PROM1: variants seen among roughly 807,000 people sequenced by gnomAD.
PROM1 encodes the protein prominin-1.
A neutral mutation model predicts 116.9 loss-of-function variants in PROM1; 105 were observed. The ratio of observed to expected loss-of-function variants is 0.90; its 90% CI spans 0.77 to 1.06. The LOEUF is 1.06. Among genes scored for constraint, PROM1 ranks in the 50% least tolerant of loss-of-function variants. The pLI is 0.00. For missense variants in PROM1, 1,122 were observed against 1,045.2 expected (o/e 1.07, Z -1.01); for synonymous variants, 393 against 387.0 (o/e 1.02, Z -0.18).
chr4:15,979,440 T>C lies in PROM1; in HGVS notation c.2537A>G (p.Tyr846Cys). The change falls in exon 26 of 28, where the codon TAT becomes TGT. Residue 846 changes from tyrosine (Y) to cysteine (C), a missense_variant. Physicochemically the swap from Tyr to Cys is radical, Grantham distance 194. Coordinates refer to ENST00000447510, the MANE Select transcript of PROM1 (RefSeq NM_006017.3). ...AATACCATATACATGATCTTTATGA[T>C]AACCATTATTACCATTTTCCATACT... ...MKNMENGNNGYHKDHVYGIHN... is the reference protein window; with the variant it reads ...MKNMENGNNGCHKDHVYGIHN... 6.2e-7 allele frequency: 1 copy of C among 1,612,260 alleles called. No individual in the cohort carries two copies. The highest frequency in any genetic ancestry group is 8.5e-7 in the Non-Finnish European group (1 of 1,179,158).
chr4:16,004,829 T>TTCTTTCTTTTTTC (rs199637591), intron 13 of PROM1, among the ~76,000 whole-genome samples: 1 of 90,184 alleles, frequency 1.1e-5, no homozygotes, highest in Admixed American at 1.1e-4. Context: ...CTTTCTTTCT[T>TTCTTTCTTTTTTC]TTTCTTCCTT....
rs141365827 is a variant in PROM1, at chr4:16,042,842, G to A, written c.221-3841C>T. The stretch of plus-strand genomic sequence containing the variant: ...GCAGACGTTCACCCTATACATCAAC[G>A]GAGCTAACACCCAGTACCTCAACGG... On this transcript the variant is annotated intron_variant, in intron 2 of 27. Transcript: ENST00000447510. Among the ~76,000 whole-genome samples, 439 of 152,118 alleles carry A rather than the reference G, an allele frequency of 2.9e-3. 2 individuals are homozygous for A. Among genetic ancestry groups the A allele is most frequent in the African/African-American group, 9.6e-3 (400 of 41,498 alleles).
intron 13 of PROM1, 110 bp downstream of exon 13, chr4:16,006,426 GAA>G: frequency 7.7e-7 from 1 of 1,296,960 alleles, no homozygotes; most frequent in Non-Finnish European, 1.0e-6. Context: ...CTGGGAGCTG[GAA>G]CCCCGCGTAC....
intron 27 of PROM1, among the ~76,000 whole-genome samples, chr4:15,970,599 C>CAT (rs1378876048): frequency 6.6e-6 from 1 of 151,476 alleles, no homozygotes; most frequent in Non-Finnish European, 1.5e-5. Context: ...TATAGCAATG[C>CAT]ATATATATAC....
intron 2 of PROM1, among the ~76,000 whole-genome samples, chr4:16,069,249 A>C (rs182616694): frequency 3.3e-5 from 5 of 152,338 alleles, no homozygotes; most frequent in Non-Finnish European, 4.4e-5. Flanking sequence ...AAAACAAAAA[A>C]CAAAAACCAA....
At chr4:16,041,761 AATAAATAAATAAATAAATAAATAAATAT>A (rs1314770023) in intron 2 of PROM1, among the ~76,000 whole-genome samples, 1 of 31,870 alleles carries the variant, frequency 3.1e-5, no homozygotes, top group African/African-American at 1.1e-4. Flanking sequence ...TAAATAAATA[AATAAATAAATAAATAAATAAATAAATAT>A]ATATATATAT....
At position 15,979,875 on chromosome 4, in the gene PROM1, G is replaced by A. The variant is rs1052406207; in HGVS notation, c.2513+6C>T. 2 of 1,448,542 alleles carry A rather than the reference G, an allele frequency of 1.4e-6. No individual in the cohort carries two copies. Among genetic ancestry groups the A allele is most frequent in the East Asian group, 2.5e-5 (1 of 39,992 alleles). 89.7% of individuals were successfully genotyped at this position (1,448,542 alleles called of 1,614,324 possible). ...CTAGGAATATAGTTTTTTTAAAAAG[G>A]CTTACTTTTTCATGGGTATAGTTTC... On this transcript the variant is annotated splice_donor_region_variant and intron_variant, in intron 25 of 27. Coordinates refer to ENST00000447510, the MANE Select transcript of PROM1 (RefSeq NM_006017.3).
rs941973712 is a variant in PROM1, at chr4:15,979,267, T to C, written c.2582+128A>G. ...CACTATGTAGAGCATGATTGGAGAC[T>C]AGCATTGATAAAGTATCATACAGAG... On this transcript the variant is annotated intron_variant, in intron 26 of 27. Coordinates refer to ENST00000447510, the MANE Select transcript of PROM1 (RefSeq NM_006017.3). The C allele has an allele frequency of 3.3e-5, 47 of 1,426,198 alleles. No individual in the cohort carries two copies. In the South Asian group the frequency reaches 4.4e-4, roughly 13 times the overall value. 88.3% of individuals were successfully genotyped at this position (1,426,198 alleles called of 1,614,324 possible).
At chr4:16,066,674 T>G (rs1272791099) in intron 2 of PROM1, among the ~76,000 whole-genome samples, 2 of 152,306 alleles carry the variant, frequency 1.3e-5, no homozygotes, top group African/African-American at 2.4e-5. Context: ...TCTCTAGGGG[T>G]AAATCTCAAG....
At chr4:16,064,395 A>T (rs191747472) in intron 2 of PROM1, among the ~76,000 whole-genome samples, 510 of 152,300 alleles carry the variant, frequency 3.3e-3, no homozygotes, top group African/African-American at 0.012. Flanking sequence ...TCCCACCAGG[A>T]ATAATTAATC....
intron 11 of PROM1, among the ~76,000 whole-genome samples, chr4:16,009,930 C>T (rs1726470239): frequency 1.9e-5 from 2 of 104,126 alleles, no homozygotes; most frequent in South Asian, 7.1e-4. Flanking sequence ...GCAAGACTCG[C>T]TCTCAAAAAA....
At chr4:16,082,889 A>G (rs972839015) in intron 1 of PROM1, among the ~76,000 whole-genome samples, 1 of 151,860 alleles carries the variant, frequency 6.6e-6, no homozygotes, top group African/African-American at 2.4e-5. Flanking sequence ...TGGTCTGTCC[A>G]CGCTCCTCTT....
At chr4:16,038,574 T>C (rs1734464789) in intron 3 of PROM1, among the ~76,000 whole-genome samples, 1 of 152,132 alleles carries the variant, frequency 6.6e-6, no homozygotes, top group Non-Finnish European at 1.5e-5. Context: ...GGCTAATTTT[T>C]GTATTTTTAG....
chr4:15,992,943 A>G (rs1721438915), intron 16 of PROM1, among the ~76,000 whole-genome samples: 1 of 152,234 alleles, frequency 6.6e-6, no homozygotes, highest in African/African-American at 2.4e-5. Flanking sequence ...ATTGATAGTC[A>G]GCAGTTTCCA....
intron 2 of PROM1, among the ~76,000 whole-genome samples, chr4:16,050,562 C>T (rs1457889568): frequency 2.0e-5 from 3 of 152,078 alleles, no homozygotes; most frequent in East Asian, 1.9e-4. Context: ...TCATGTTGCC[C>T]GGGGTGGTCT....
At chr4:15,981,917 C>T (rs930973315) in intron 23 of PROM1, among the ~76,000 whole-genome samples, 1 of 152,166 alleles carries the variant, frequency 6.6e-6, no homozygotes, top group East Asian at 1.9e-4. Flanking sequence ...CCCTTATTCC[C>T]ACAAAGCAAG....
chr4:15,998,527 TAC>T, intron 14 of PROM1, 39 bp from the exon 15 acceptor site: 1 of 1,503,026 alleles, frequency 6.7e-7, no homozygotes, highest in Non-Finnish European at 8.9e-7. Context: ...AAATCAGTTT[TAC>T]ACTAACATAC....
chr4:16,011,447 G>A (rs1726865174), intron 11 of PROM1, among the ~76,000 whole-genome samples: 1 of 152,202 alleles, frequency 6.6e-6, no homozygotes, highest in South Asian at 2.1e-4. Flanking sequence ...ACATGAAACT[G>A]AACACCTGCT....
At chr4:16,067,874 A>G (rs1741895126) in intron 2 of PROM1, among the ~76,000 whole-genome samples, 1 of 152,140 alleles carries the variant, frequency 6.6e-6, no homozygotes. Context: ...ACGTGACTCA[A>G]TGGCTCCACG....
Sources: allele counts gnomAD v4.1 joint callset (sites outside exome capture counted in the v4.1 genomes callset), GRCh38; gene constraint gnomAD v4.1.1; transcripts MANE v1.5; gene names NCBI Gene and HGNC (gene_info 2026-07-23, HGNC 2026-07-21).